The following COL4A1 variants were observed in gnomAD, a reference collection of about 807,000 sequenced individuals.
COL4A1 encodes collagen type IV alpha 1 chain, also known as collagen alpha-1(IV) chain.
COL4A1 carries 40 observed loss-of-function variants against 216.6 expected under a neutral mutation model. The ratio of observed to expected loss-of-function variants is 0.18; its 90% CI spans 0.14 to 0.24. The LOEUF is 0.24. Among genes scored for constraint, COL4A1 ranks in the 10% least tolerant of loss-of-function variants. The pLI is 1.00. For missense variants in COL4A1, 1,628 were observed against 2,196.8 expected (o/e 0.74, Z 5.18); for synonymous variants, 839 against 810.7 (o/e 1.03, Z -0.59).
At chr13:110,187,644 C>T (rs1460243167) in intron 24 of COL4A1, among the ~76,000 whole-genome samples, 2 of 152,206 alleles carry the variant, frequency 1.3e-5, no homozygotes, top group Admixed American at 6.5e-5. Flanking sequence ...ACCCTAACAA[C>T]TGCTCAACAT....
intron 2 of COL4A1, among the ~76,000 whole-genome samples, chr13:110,240,668 C>T (rs954286717): frequency 5.3e-5 from 8 of 152,212 alleles, no homozygotes; most frequent in African/African-American, 1.9e-4. Context: ...TGCTGGACAC[C>T]GCCTCCCCTG....
intron 1 of COL4A1, among the ~76,000 whole-genome samples, chr13:110,289,980 GTCTGCT>G (rs1387989743): frequency 6.6e-6 from 1 of 152,174 alleles, no homozygotes; most frequent in Non-Finnish European, 1.5e-5. Flanking sequence ...AAAATAGAGG[GTCTGCT>G]TCTGAAAAGG....
intron 2 of COL4A1, among the ~76,000 whole-genome samples, chr13:110,219,949 TACAC>T (rs1880388306): frequency 1.8e-4 from 16 of 88,844 alleles, no homozygotes; most frequent in Admixed American, 6.3e-4. Context: ...TGTGTATATA[TACAC>T]ATACATACAT....
At chr13:110,192,485 G>A (rs1001628735) in intron 23 of COL4A1, among the ~76,000 whole-genome samples, 1 of 152,172 alleles carries the variant, frequency 6.6e-6, no homozygotes, top group African/African-American at 2.4e-5. Context: ...ACACCCGGAA[G>A]CAGGAATGCT....
chr13:110,217,967 A>G (rs1417761204), intron 2 of COL4A1, among the ~76,000 whole-genome samples: 4 of 152,202 alleles, frequency 2.6e-5, no homozygotes, highest in African/African-American at 9.6e-5. Context: ...ATAATACCCA[A>G]TTATTTCCCT....
intron 2 of COL4A1, among the ~76,000 whole-genome samples, chr13:110,240,168 G>C (rs1881496512): frequency 6.6e-6 from 1 of 152,080 alleles, no homozygotes; most frequent in South Asian, 2.1e-4. Flanking sequence ...GTCTAAGGTA[G>C]AGCTTGCTAG....
intron 19 of COL4A1, 124 bp from the exon 20 acceptor site, chr13:110,201,013 G>C: frequency 9.2e-7 from 1 of 1,084,762 alleles, no homozygotes; most frequent in Non-Finnish European, 1.4e-6. Flanking sequence ...AGGGAACGTA[G>C]AAAACAGAGC....
chr13:110,288,249 C>T (rs368979360), intron 1 of COL4A1, among the ~76,000 whole-genome samples: 13 of 143,520 alleles, frequency 9.1e-5, no homozygotes, highest in Middle Eastern at 3.2e-3. Context: ...GAAACAAGAG[C>T]GAAACTCCCT....
At position 110,268,560 on chromosome 13, in the gene COL4A1, A is replaced by T. The variant is rs1035435487; in HGVS notation, c.85-25826T>A. On this transcript the variant is annotated intron_variant, in intron 1 of 51. Coordinates refer to ENST00000375820, the MANE Select transcript of COL4A1 (RefSeq NM_001845.6). The surrounding 1 kb of genome is among the most constrained non-coding windows in gnomAD (Gnocchi z 4.1). ...TCATTTGGCTTCTGCAGATGACTTCAGGGTGGTGTGGCAGGGAAAATGCTT... is the reference window on the plus strand; with the variant it reads ...TCATTTGGCTTCTGCAGATGACTTCTGGGTGGTGTGGCAGGGAAAATGCTT... 6.6e-6 allele frequency among the ~76,000 whole-genome samples: 1 copy of T among 152,240 alleles called. No homozygotes were observed. The highest frequency in any genetic ancestry group is 1.5e-5 in the Non-Finnish European group (1 of 68,044).
chr13:110,228,247 G>GT (rs1880842447), intron 2 of COL4A1, among the ~76,000 whole-genome samples: 1 of 140,728 alleles, frequency 7.1e-6, no homozygotes, highest in Admixed American at 7.0e-5. Flanking sequence ...CGGGGGGGGG[G>GT]TCTACATCAG....
At position 110,181,404 on chromosome 13, in the gene COL4A1, C is replaced by CA. The variant is rs112508409; in HGVS notation, c.2096-16dup. The CA allele has an allele frequency of 0.11, 107,366 of 1,005,914 alleles. 44 individuals carry two copies. Among genetic ancestry groups the CA allele is most frequent in the Non-Finnish European group, 0.12 (86,318 of 738,552 alleles). 62.3% of individuals were successfully genotyped at this position (1,005,914 alleles called of 1,614,324 possible). On this transcript the variant is annotated splice_polypyrimidine_tract_variant and intron_variant, in intron 28 of 51. Coordinates refer to ENST00000375820, the MANE Select transcript of COL4A1 (RefSeq NM_001845.6). ...GCCGTCAACACCTGTTTTAAAGAGT[C>CA]AAAAAAAAAAAACAAACAAACAATC...
intron 1 of COL4A1, among the ~76,000 whole-genome samples, chr13:110,264,124 A>T (rs1196686198): frequency 1.3e-5 from 2 of 152,146 alleles, no homozygotes; most frequent in African/African-American, 4.8e-5. Flanking sequence ...CCTCCCAGCC[A>T]GGAATGAAGG....
intron 33 of COL4A1, among the ~76,000 whole-genome samples, chr13:110,177,408 C>T (rs76805698): frequency 0.02 from 2,975 of 152,278 alleles, 42 homozygotes; most frequent in Non-Finnish European, 0.027. Flanking sequence ...AAACAAATGA[C>T]CTTTTCATGT....
intron 45 of COL4A1, 34 bp downstream of exon 45, chr13:110,166,198 A>C (rs1877326267): frequency 1.5e-6 from 2 of 1,293,136 alleles, no homozygotes; most frequent in African/African-American, 2.9e-5. Context: ...ACAAAGCACC[A>C]GTAAGGTGTC....
At chr13:110,227,111 T>C (rs1489188108) in intron 2 of COL4A1, among the ~76,000 whole-genome samples, 1 of 152,216 alleles carries the variant, frequency 6.6e-6, no homozygotes, top group Non-Finnish European at 1.5e-5. Context: ...TCACTATGCC[T>C]ACTTTGTAGA....
chr13:110,173,800 C>T (rs1230475076), intron 40 of COL4A1, 100 bp downstream of exon 40: 3 of 1,366,756 alleles, frequency 2.2e-6, no homozygotes, highest in African/African-American at 2.9e-5. Flanking sequence ...AGTCTAGGGG[C>T]CATTCTGTGC....
chr13:110,215,516 A>G (rs141025085), intron 2 of COL4A1, among the ~76,000 whole-genome samples: 2,793 of 150,328 alleles, frequency 0.019, 83 homozygotes, highest in African/African-American at 0.064. Flanking sequence ...AGCCAAGATC[A>G]TGCCACTGCA....
rs1876426378 is a variant in COL4A1 at position 110,150,033 on chromosome 13, A to C, written c.*330T>G. 2 of 391,906 alleles carry C rather than the reference A, an allele frequency of 5.1e-6. No individual in the cohort carries two copies. Among genetic ancestry groups the C allele is most frequent in the Non-Finnish European group, 9.7e-6 (2 of 205,190 alleles). The allele number at this position is 391,906 out of a possible 1,614,324, so 24.3% of individuals were successfully genotyped here. A position where few individuals can be genotyped will look rare whatever the true frequency, so the allele number is the denominator to read the frequency against. ...AATGAAAATGGGCAAACAGTATGGA[A>C]GGCACCCACACCTCCTAGCACCCTT... On this transcript the variant is annotated 3_prime_UTR_variant, in exon 52 of 52. Transcript: ENST00000375820.
At chr13:110,269,779 G>A (rs1883180837) in intron 1 of COL4A1, among the ~76,000 whole-genome samples, 1 of 151,966 alleles carries the variant, frequency 6.6e-6, no homozygotes, top group South Asian at 2.1e-4. Context: ...CTTTGTATGA[G>A]ATTCTGAAGT....
Sources: gnomAD v4.1 joint callset for allele counts (sites outside exome capture counted in the v4.1 genomes callset) on GRCh38, gnomAD v4.1.1 for gene constraint, Gnocchi (gnomAD v3.1) non-coding constraint, MANE v1.5 for transcripts, NCBI Gene and HGNC (gene_info 2026-07-23, HGNC 2026-07-21) for gene names.